Variants in EPHA6 observed in about 807,000 individuals in gnomAD.
The protein encoded by EPHA6 is ephrin type-A receptor 6.
Under a neutral mutation model 112.0 loss-of-function variants are expected in EPHA6, and 50 were observed. The observed-to-expected ratio is 0.45, with a 90% CI of 0.36 to 0.56. The LOEUF (loss-of-function observed/expected upper bound fraction) is 0.56, where lower values mean the gene tolerates loss of function less well. Among genes scored for constraint, EPHA6 ranks in the 20% least tolerant of loss-of-function variants. EPHA6 has a pLI of 0.00. For synonymous variants in EPHA6, 529 were observed against 490.7 expected, an observed-to-expected ratio of 1.08 and a Z score of -1.03; for missense variants, 1,280 against 1,417.4, an observed-to-expected ratio of 0.90 and a Z score of 1.56.
At chr3:97,147,649 A>G (rs960366797) in intron 3 of EPHA6, among the ~76,000 whole-genome samples, 2 of 152,136 alleles carry the variant, frequency 1.3e-5, no homozygotes, top group Non-Finnish European at 2.9e-5. Flanking sequence ...AATTATACAT[A>G]GGAAAAACTA....
intron 5 of EPHA6, among the ~76,000 whole-genome samples, chr3:97,388,080 G>T (rs1298457763): frequency 6.6e-6 from 1 of 152,098 alleles, no homozygotes; most frequent in African/African-American, 2.4e-5. Context: ...CTTCCTACCA[G>T]GCCCCTCCTC....
intron 11 of EPHA6, among the ~76,000 whole-genome samples, chr3:97,589,127 A>G (rs917313390): frequency 1.3e-5 from 2 of 151,528 alleles, no homozygotes; most frequent in Non-Finnish European, 2.9e-5. Context: ...TTCTTAAAAT[A>G]TTATGAGGTT....
intron 10 of EPHA6, among the ~76,000 whole-genome samples, chr3:97,527,355 C>A (rs1485366053): frequency 2.6e-5 from 4 of 152,156 alleles, no homozygotes; most frequent in African/African-American, 9.7e-5. Context: ...GGTTTCACAA[C>A]CTCATACCCC....
chr3:97,029,780 T>A (rs1242405033), intron 3 of EPHA6, among the ~76,000 whole-genome samples: 1 of 152,124 alleles, frequency 6.6e-6, no homozygotes, highest in Non-Finnish European at 1.5e-5. Flanking sequence ...ACTTCTTTAG[T>A]TTTGAAGTAA....
intron 2 of EPHA6, among the ~76,000 whole-genome samples, chr3:96,913,215 A>ACACACACAC: frequency 8.1e-6 from 1 of 123,120 alleles, no homozygotes; most frequent in African/African-American, 3.1e-5. Context: ...CACACACACC[A>ACACACACAC]CACACACGGG....
intron 3 of EPHA6, among the ~76,000 whole-genome samples, chr3:97,065,526 C>A (rs1051279789): frequency 1.3e-5 from 2 of 152,012 alleles, no homozygotes; most frequent in African/African-American, 4.8e-5. Flanking sequence ...CTCTACAATT[C>A]AACTCATTGC....
chr3:97,168,595 G>T (rs149116325), intron 3 of EPHA6, among the ~76,000 whole-genome samples: 1 of 136,410 alleles, frequency 7.3e-6, no homozygotes, highest in African/African-American at 3.1e-5. Context: ...CTCTCTCTCT[G>T]TGTGTCTCTC....
At chr3:97,535,314 A>G (rs1195853272) in intron 11 of EPHA6, among the ~76,000 whole-genome samples, 5 of 152,102 alleles carry the variant, frequency 3.3e-5, no homozygotes, top group African/African-American at 1.2e-4. Context: ...ACTTCTTAAA[A>G]AAAAGAAATA....
chr3:97,408,347 C>G (rs1237479137), intron 6 of EPHA6, among the ~76,000 whole-genome samples: 2 of 151,920 alleles, frequency 1.3e-5, no homozygotes, highest in Non-Finnish European at 2.9e-5. Flanking sequence ...TATCTCTGTT[C>G]CCTTCTGTCC....
At chr3:97,440,138 C>T (rs1362890202) in intron 6 of EPHA6, among the ~76,000 whole-genome samples, 3 of 151,948 alleles carry the variant, frequency 2.0e-5, no homozygotes, top group Non-Finnish European at 2.9e-5. Flanking sequence ...GGGACCAAAT[C>T]GTATAAAATT....
intron 5 of EPHA6, among the ~76,000 whole-genome samples, chr3:97,274,447 G>A (rs1407314373): frequency 1.3e-5 from 2 of 152,200 alleles, no homozygotes; most frequent in Non-Finnish European, 1.5e-5. Flanking sequence ...TTATTAAACA[G>A]GCATTAATGA....
At chr3:97,332,513 C>T (rs1216038971) in intron 5 of EPHA6, among the ~76,000 whole-genome samples, 11 of 152,172 alleles carry the variant, frequency 7.2e-5, no homozygotes, top group African/African-American at 1.9e-4. Flanking sequence ...AAAACCCCAT[C>T]GTCTCAGCCC....
intron 10 of EPHA6, among the ~76,000 whole-genome samples, chr3:97,489,120 A>G (rs1287517141): frequency 2.6e-5 from 4 of 152,210 alleles, no homozygotes; most frequent in Non-Finnish European, 5.9e-5. Context: ...GGATTAATAA[A>G]AGGATTAGAA....
At chr3:97,527,559 C>T (rs1019531136) in intron 10 of EPHA6, among the ~76,000 whole-genome samples, 1 of 152,124 alleles carries the variant, frequency 6.6e-6, no homozygotes, top group Non-Finnish European at 1.5e-5. Flanking sequence ...CCTATGGAGA[C>T]AGCCAAACAC....
chr3:97,288,482 C>T (rs2080554435), intron 5 of EPHA6, among the ~76,000 whole-genome samples: 1 of 152,140 alleles, frequency 6.6e-6, no homozygotes, highest in Non-Finnish European at 1.5e-5. Flanking sequence ...GTCCAGTCCA[C>T]TGTTTATGAG....
Position 97,142,817 on chromosome 3 carries a change from T to C in EPHA6, c.1115-83447T>C, listed in dbSNP as rs145022647. ...TAAAAACCCTCAACAAAGTAGACAT[T>C]GAAGGAATAGCCTTCAAAGTAATAA... On this transcript the variant is annotated intron_variant, in intron 3 of 17. Coordinates refer to ENST00000389672, the MANE Select transcript of EPHA6 (RefSeq NM_001080448.3). Among the ~76,000 whole-genome samples the C allele has an allele frequency of 5.8e-3, 878 of 151,944 alleles. 6 individuals carry two copies. Among genetic ancestry groups the C allele is most frequent in the Non-Finnish European group, 9.6e-3 (648 of 67,804 alleles).
At chr3:97,139,728 T>C (rs1202362367) in intron 3 of EPHA6, among the ~76,000 whole-genome samples, 1 of 152,080 alleles carries the variant, frequency 6.6e-6, no homozygotes, top group African/African-American at 2.4e-5. Context: ...AGTGGCAGCT[T>C]CTCCAGATGA....
chr3:97,328,600 T>G (rs1203342029), intron 5 of EPHA6, among the ~76,000 whole-genome samples: 1 of 152,054 alleles, frequency 6.6e-6, no homozygotes, highest in Admixed American at 6.6e-5. Flanking sequence ...TAAGTACTAC[T>G]CGTTTGTCAG....
At chr3:97,541,692 C>G (rs1358042250) in intron 11 of EPHA6, among the ~76,000 whole-genome samples, 2 of 150,672 alleles carry the variant, frequency 1.3e-5, no homozygotes, top group Non-Finnish European at 3.0e-5. Context: ...TGTAGACTGT[C>G]CCTCAGTTCG....
Sources: gnomAD v4.1 joint callset for allele counts (sites outside exome capture counted in the v4.1 genomes callset) on GRCh38, gnomAD v4.1.1 for gene constraint, MANE v1.5 for transcripts, NCBI Gene and HGNC (gene_info 2026-07-23, HGNC 2026-07-21) for gene names.